Variants in STRA6 observed in about 807,000 individuals in gnomAD.
STRA6 encodes the protein signaling receptor and transporter of retinol STRA6.
Under a neutral mutation model 83.6 loss-of-function variants are expected in STRA6, and 48 were observed. That is an observed-to-expected ratio of 0.57 (90% confidence interval 0.46 to 0.73). STRA6 has a LOEUF of 0.73. Ranked by LOEUF, STRA6 falls within the 30% of genes least tolerant of loss-of-function variation. STRA6 has a pLI of 0.00. For synonymous variants in STRA6, 353 were observed against 362.3 expected, an observed-to-expected ratio of 0.97 and a Z score of 0.29; for missense variants, 760 against 838.8, an observed-to-expected ratio of 0.91 and a Z score of 1.16.
At chr15:74,201,866 T>C (rs1356656906) in intron 2 of STRA6, among the ~76,000 whole-genome samples, 1 of 152,082 alleles carries the variant, frequency 6.6e-6, no homozygotes, top group African/African-American at 2.4e-5. Context: ...CAGGGAGCCA[T>C]CCCTGCAGAT....
At chr15:74,198,395 G>A (rs559805583) in intron 2 of STRA6, among the ~76,000 whole-genome samples, 4 of 152,296 alleles carry the variant, frequency 2.6e-5, no homozygotes, top group Middle Eastern at 3.4e-3. Flanking sequence ...ACAGGTGTGA[G>A]CCACTGTGCC....
Position 74,195,337 on chromosome 15 carries a change from C to T in STRA6, c.562G>A (p.Val188Ile). The change falls in exon 7 of 19, where the codon GTC becomes ATC. Residue 188 changes from valine to isoleucine, a missense_variant. By Grantham distance (29) the Val-to-Ile change is conservative. Coordinates refer to ENST00000395105, the MANE Select transcript of STRA6 (RefSeq NM_022369.4). ...TGGGGACACTCTGCCCTCTGCCAGA[C>T]CTGGACCCCAAGGTGGGCCCAGGAC... is the stretch of plus-strand genomic sequence containing the variant. ...TLSWAHLGVQ[V>I]WQRAECPQVP... The T allele has an allele frequency of 1.9e-6, 3 of 1,613,410 alleles. No homozygotes were observed. Among genetic ancestry groups the T allele is most frequent in the Non-Finnish European group, 2.5e-6 (3 of 1,179,988 alleles).
At chr15:74,197,904 T>G in intron 2 of STRA6, 86 bp from the exon 3 acceptor site, 1 of 1,421,704 alleles carries the variant, frequency 7.0e-7, no homozygotes, top group Non-Finnish European at 9.7e-7. Context: ...CTGTTCACAC[T>G]GAGGCTTTAC....
chr15:74,198,037 A>G lies in STRA6; in HGVS notation c.114-219T>C, dbSNP rs137912488. On this transcript the variant is annotated intron_variant, in intron 2 of 18. Coordinates refer to ENST00000395105, the MANE Select transcript of STRA6 (RefSeq NM_022369.4). ...CAGCCCCATGCCAAGCTCTGGGGTT[A>G]TAAGACTAAAGGACATGGGAAGCTC... Among the ~76,000 whole-genome samples, 90 of 152,080 alleles carry G rather than the reference A, an allele frequency of 5.9e-4. 1 individual carries two copies. Among genetic ancestry groups the G allele is most frequent in the African/African-American group, 2.1e-3 (88 of 41,478 alleles).
rs2142031108 is a variant in STRA6 at position 74,190,902 on chromosome 15, C to A, written c.866-1G>T. ...ACCAGCTTCAGCGGGAGATGGAATC[C>A]TGTAGTCCTCAAAGGAAGGAGTATG... On this transcript the variant is annotated splice_acceptor_variant, in intron 10 of 18. Transcript: ENST00000395105. LOFTEE classifies it high-confidence loss of function. 1 of 1,614,122 alleles carries A rather than the reference C, an allele frequency of 6.2e-7. No individual in the cohort carries two copies. Among genetic ancestry groups the A allele is most frequent in the Non-Finnish European group, 8.5e-7 (1 of 1,180,036 alleles).
Position 74,190,843 on chromosome 15 carries a change from G to A in STRA6, c.924C>T (p.Tyr308=). 6.2e-7 allele frequency: 1 copy of A among 1,614,094 alleles called. No individual in the cohort carries two copies. Among genetic ancestry groups the A allele is most frequent in the Non-Finnish European group, 8.5e-7 (1 of 1,180,012 alleles). Residue 308 remains tyrosine, a synonymous_variant, in exon 11 of 19, where the codon TAC becomes TAT. Coordinates refer to ENST00000395105, the MANE Select transcript of STRA6 (RefSeq NM_022369.4). The stretch of plus-strand genomic sequence containing the variant: ...CAGTACAGGGTGAGGGACATACCTG[G>A]TAAATGGCCGTCCCTGTCAGTGTAG... ...LSATLTGTAI[Y]QVALLLLVGV... is the part of the protein sequence containing the mutation.
rs1241164144 is a variant in STRA6, at chr15:74,191,046, T to A, written c.865+121A>T. The stretch of plus-strand genomic sequence containing the variant: ...GGGTCTTCCCGCTGTCCCAAGCTGG[T>A]AGTTGTCCCTCTTGATGACAAGGAT... On this transcript the variant is annotated intron_variant, in intron 10 of 18. Transcript: ENST00000395105. 1.9e-6 allele frequency: 3 copies of A among 1,565,896 alleles called. No homozygotes were observed. In the Admixed American group the frequency reaches 5.7e-5, roughly 30 times the overall value.
chr15:74,207,901 T>C, intron 1 of STRA6: 1 of 1,488,052 alleles, frequency 6.7e-7, no homozygotes, highest in Non-Finnish European at 8.9e-7. Context: ...TGTCGTCGGC[T>C]GCCGTGCTCA....
upstream of STRA6, among the ~76,000 whole-genome samples, chr15:74,204,755 A>G (rs1306454993): frequency 6.6e-6 from 1 of 152,168 alleles, no homozygotes; most frequent in Non-Finnish European, 1.5e-5. Context: ...CCAACAAGGC[A>G]AAATCCCATC....
upstream of STRA6, chr15:74,209,101 C>T: frequency 7.6e-7 from 1 of 1,308,328 alleles, no homozygotes; most frequent in African/African-American, 1.5e-5. Context: ...CACAGACCTC[C>T]CGCCCTTGAT....
At chr15:74,197,259 C>T in intron 4 of STRA6, 79 bp downstream of exon 4, 3 of 1,071,292 alleles carry the variant, frequency 2.8e-6, no homozygotes, top group Non-Finnish European at 2.8e-6. Context: ...TTTTAGGTAC[C>T]TAACAAATCA....
chr15:74,180,861 C>A lies in STRA6; in HGVS notation c.1761G>T (p.Leu587=). ...SHPAMTAFCS[L]LLQAQSLLPR... The stretch of plus-strand genomic sequence containing the variant: ...GTAGGAGGCTCTGCGCTTGCAGGAG[C>A]AGGGAGCAGAAGGCTGTCATGGCTG... Residue 587 remains leucine (L), a synonymous_variant, in exon 18 of 19, where the codon CTG becomes CTT. Transcript: ENST00000395105. 1 of 1,614,084 alleles carries A rather than the reference C, an allele frequency of 6.2e-7. No individual in the cohort carries two copies. The highest frequency in any genetic ancestry group is 8.5e-7 in the Non-Finnish European group (1 of 1,179,986).
At chr15:74,196,946 C>T (rs2073847879) in intron 4 of STRA6, among the ~76,000 whole-genome samples, 1 of 152,194 alleles carries the variant, frequency 6.6e-6, no homozygotes, top group African/African-American at 2.4e-5. Flanking sequence ...ATGTCAGTCC[C>T]CATAAATCTG....
At chr15:74,208,779 C>G (rs2074320058) in intron 1 of STRA6, 1 of 988,880 alleles carries the variant, frequency 1.0e-6, no homozygotes, top group Non-Finnish European at 1.2e-6. Context: ...ACCTGGCCTC[C>G]CAGACTTGGC....
intron 14 of STRA6, chr15:74,183,399 C>T (rs2073086899): frequency 1.8e-6 from 1 of 562,594 alleles, no homozygotes; most frequent in South Asian, 4.0e-5. Flanking sequence ...GTGCACACCA[C>T]CATACCCGGC....
intron 7 of STRA6, 36 bp downstream of exon 7, chr15:74,195,265 CG>C: frequency 6.2e-7 from 1 of 1,606,232 alleles, no homozygotes; most frequent in Non-Finnish European, 8.5e-7. Flanking sequence ...TTGCTCTGTG[CG>C]CCCCTCTGCC....
upstream of STRA6, among the ~76,000 whole-genome samples, chr15:74,211,556 A>G (rs2074368979): frequency 6.6e-6 from 1 of 151,890 alleles, no homozygotes; most frequent in Non-Finnish European, 1.5e-5. Context: ...ATGCACCACC[A>G]TGCCCGGCTG....
In STRA6 at chr15:74,197,784, C is replaced by T. The variant is rs547854196; in HGVS notation, c.148G>A (p.Gly50Ser). The T allele has an allele frequency of 7.4e-6, 12 of 1,613,658 alleles. No homozygotes were observed. The highest frequency in any genetic ancestry group is 6.7e-5 in the East Asian group (3 of 44,872). Reference protein sequence around the residue: ...VPSCHTSIPPGLYHACLASLS... With the variant: ...VPSCHTSIPPSLYHACLASLS... ...GAGGCCAGGCAGGCGTGGTACAGGC[C>T]GGGTGGTATGCTGGTGTGGCAGGAG... Residue 50 changes from glycine (G) to serine (S), a missense_variant, in exon 3 of 19, where the codon GGC becomes AGC. By Grantham distance (56) the Gly-to-Ser change is moderately conservative (BLOSUM62 0). Coordinates refer to ENST00000395105, the MANE Select transcript of STRA6 (RefSeq NM_022369.4).
intron 3 of STRA6, 38 bp downstream of exon 3, chr15:74,197,714 G>A (rs2142062351): frequency 6.2e-7 from 1 of 1,609,342 alleles, no homozygotes; most frequent in Non-Finnish European, 8.5e-7. Context: ...CAGGCTGGCA[G>A]CAGCTTGCAA....
Sources: gnomAD v4.1 joint callset for allele counts (sites outside exome capture counted in the v4.1 genomes callset) on GRCh38, gnomAD v4.1.1 for gene constraint, MANE v1.5 for transcripts, NCBI Gene and HGNC (gene_info 2026-07-23, HGNC 2026-07-21) for gene names.